The following ZNF536 variants were observed in gnomAD, a reference collection of about 807,000 sequenced individuals.
The protein encoded by ZNF536 is zinc finger protein 536.
A neutral mutation model predicts 84.5 loss-of-function variants in ZNF536; 13 were observed. The ratio of observed to expected loss-of-function variants is 0.15; its 90% CI spans 0.10 to 0.24. The LOEUF (loss-of-function observed/expected upper bound fraction) is 0.24, where lower values mean the gene tolerates loss of function less well. ZNF536 is among the 10% of genes least tolerant of loss of function. The pLI, the probability that ZNF536 is intolerant of heterozygous loss-of-function variation, is 1.00. For missense variants in ZNF536, 1,536 were observed against 1,747.5 expected, an observed-to-expected ratio of 0.88 and a Z score of 2.16; for synonymous variants, 811 against 742.5, an observed-to-expected ratio of 1.09 and a Z score of -1.50.
At chr19:30,297,920 G>A (rs986819342) in intron 2 of ZNF536, among the ~76,000 whole-genome samples, 22 of 128,712 alleles carry the variant, frequency 1.7e-4, no homozygotes, top group African/African-American at 5.8e-4. Context: ...CCCCTCTGTC[G>A]CCCAGGCTGG....
Position 30,413,410 on chromosome 19 carries a change from G to A in ZNF536, c.-2-30151G>A, listed in dbSNP as rs959415495. ...TAACCACATCCTAGAATTTTTATTC[G>A]TTTGTTTTGCTATTGCTTTGTTTTT... On this transcript the variant is annotated intron_variant, in intron 1 of 4. Transcript: ENST00000355537. 6.6e-5 allele frequency among the ~76,000 whole-genome samples: 10 copies of A among 152,004 alleles called. No individual in the cohort carries two copies. The South Asian group carries it at 8.3e-4, about 13-fold the overall frequency.
chr19:30,395,459 T>A (rs988588219), intron 1 of ZNF536, among the ~76,000 whole-genome samples: 1 of 152,280 alleles, frequency 6.6e-6, no homozygotes, highest in East Asian at 1.9e-4. Context: ...GAGTGATTGG[T>A]TAAGAACTGT....
At chr19:30,536,009 G>A (rs749415644) in intron 3 of ZNF536, among the ~76,000 whole-genome samples, 3 of 152,110 alleles carry the variant, frequency 2.0e-5, no homozygotes, top group Non-Finnish European at 2.9e-5. Flanking sequence ...GGAAGCCTGA[G>A]GACAGATGGG....
At position 30,591,519 on chromosome 19, in the gene ZNF536, C is replaced by A. The variant is rs146867693; in HGVS notation, c.169+42005C>A. ...TGAGATTTATTCACTACCATGAGAACAGTATGGGGGAAATTGCCCCCACGA... is the reference window on the plus strand; with the variant it reads ...TGAGATTTATTCACTACCATGAGAAAAGTATGGGGGAAATTGCCCCCACGA... On this transcript the variant is annotated intron_variant, in intron 1 of 1. Coordinates refer to the ZNF536 transcript ENST00000592773. Among the ~76,000 whole-genome samples, 197 of 152,246 alleles carry A rather than the reference C, an allele frequency of 1.3e-3. 1 individual carries two copies. The highest frequency in any genetic ancestry group is 4.6e-3 in the African/African-American group (190 of 41,556).
At chr19:30,685,296 A>T (rs2051131832) in intron 1 of ZNF536, among the ~76,000 whole-genome samples, 1 of 152,188 alleles carries the variant, frequency 6.6e-6, no homozygotes, top group South Asian at 2.1e-4. Context: ...GGGGCTTTAG[A>T]ACAAGTCCTC....
At chr19:30,518,551 T>C (rs921685062) in intron 2 of ZNF536, among the ~76,000 whole-genome samples, 4 of 152,240 alleles carry the variant, frequency 2.6e-5, no homozygotes, top group African/African-American at 9.6e-5. Context: ...TAGTTGTCTC[T>C]CTCAATTATA....
At chr19:30,706,023 A>C (rs1482052634) in intron 1 of ZNF536, among the ~76,000 whole-genome samples, 2 of 152,246 alleles carry the variant, frequency 1.3e-5, no homozygotes, top group African/African-American at 4.8e-5. Flanking sequence ...GGCCAAATCA[A>C]AAAGGCTTTC....
Position 30,548,403 on chromosome 19 carries a change from T to G in ZNF536, c.2784T>G (p.Ser928Arg). ...LQAFMDSFVL[S>R]SLKKEKDMKD... ...CTTTCATGGACAGTTTTGTCCTCAG[T>G]TCCTTGAAGAAGGAGAAGGACATGA... is the stretch of plus-strand genomic sequence containing the variant. Residue 928 changes from serine to arginine, a missense_variant, in exon 4 of 5, where the codon AGT becomes AGG. By Grantham distance (110) the Ser-to-Arg change is moderately radical. Coordinates refer to ENST00000355537, the MANE Select transcript of ZNF536 (RefSeq NM_014717.3). 1 of 1,614,206 alleles carries G rather than the reference T, an allele frequency of 6.2e-7. No homozygotes were observed. The highest frequency in any genetic ancestry group is 8.5e-7 in the Non-Finnish European group (1 of 1,180,032).
At chr19:30,689,901 G>T (rs2051343236) in intron 1 of ZNF536, among the ~76,000 whole-genome samples, 2 of 152,198 alleles carry the variant, frequency 1.3e-5, no homozygotes, top group African/African-American at 4.8e-5. Flanking sequence ...ATACCAGAAA[G>T]TGAAAATTTC....
At chr19:30,404,867 G>T (rs1189394806) in intron 1 of ZNF536, among the ~76,000 whole-genome samples, 2 of 152,216 alleles carry the variant, frequency 1.3e-5, no homozygotes. Context: ...GGCACCAGTT[G>T]CAAGTCCAGG....
intron 1 of ZNF536, among the ~76,000 whole-genome samples, chr19:30,273,872 C>T (rs543711741): frequency 6.6e-6 from 1 of 152,198 alleles, no homozygotes; most frequent in South Asian, 2.1e-4. Context: ...AATACATATA[C>T]ATGTACACAT....
chr19:30,260,488 GA>G (rs1350082943), intron 1 of ZNF536, among the ~76,000 whole-genome samples: 1 of 152,212 alleles, frequency 6.6e-6, no homozygotes, highest in Admixed American at 6.5e-5. Flanking sequence ...GAGATGCTGC[GA>G]GGAAGGTTGG....
In ZNF536 at chr19:30,228,832, G is replaced by A. The variant is rs1351818732; in HGVS notation, c.-190+159G>A. ...GCCTCCGCGGGCTCCGGGACTGCCC[G>A]GCTGGCTGCTCGCACAACTTTTTTT... is the stretch of plus-strand genomic sequence containing the variant. On this transcript the variant is annotated intron_variant, in intron 1 of 5. Transcript: ENST00000585628. The surrounding 1 kb of genome is among the most constrained non-coding windows in gnomAD (Gnocchi z 4.5). 6.6e-6 allele frequency: 1 copy of A among 151,422 alleles called. No homozygotes were observed. The highest frequency in any genetic ancestry group is 1.5e-5 in the Non-Finnish European group (1 of 67,836). 9.4% of individuals were successfully genotyped at this position (151,422 alleles called of 1,614,324 possible). A position where few individuals can be genotyped will look rare whatever the true frequency, so the allele number is the denominator to read the frequency against.
chr19:30,246,312 A>G (rs920577804), intron 1 of ZNF536, among the ~76,000 whole-genome samples: 3 of 152,210 alleles, frequency 2.0e-5, no homozygotes, highest in African/African-American at 7.2e-5. Context: ...CAAGTCAACA[A>G]CAAACGAGAA....
At chr19:30,557,103 C>T (rs2146369103) in intron 4 of ZNF536, 54 bp from the exon 5 acceptor site, 1 of 1,608,964 alleles carries the variant, frequency 6.2e-7, no homozygotes, top group Non-Finnish European at 8.5e-7. Context: ...TTTCAAATGC[C>T]TCTAGCCCTG....
At chr19:30,488,936 C>G (rs906832556) in intron 2 of ZNF536, among the ~76,000 whole-genome samples, 1 of 152,120 alleles carries the variant, frequency 6.6e-6, no homozygotes, top group Non-Finnish European at 1.5e-5. Flanking sequence ...TTCCAGTTCC[C>G]GAAGCATTAG....
At chr19:30,519,366 G>A (rs769752605) in intron 2 of ZNF536, among the ~76,000 whole-genome samples, 5 of 152,332 alleles carry the variant, frequency 3.3e-5, no homozygotes, top group Non-Finnish European at 7.4e-5. Flanking sequence ...GCACCTTGGG[G>A]CAGGTGAGGC....
chr19:30,569,686 T>C (rs2046475936), intron 1 of ZNF536, among the ~76,000 whole-genome samples: 1 of 145,280 alleles, frequency 6.9e-6, no homozygotes, highest in Non-Finnish European at 1.5e-5. Flanking sequence ...TTCTCTTGCC[T>C]CCGCCTCTGC....
chr19:30,265,109 G>A (rs2025442001), intron 1 of ZNF536, among the ~76,000 whole-genome samples: 1 of 152,016 alleles, frequency 6.6e-6, no homozygotes, highest in African/African-American at 2.4e-5. Context: ...TTTGTTGGGT[G>A]TGCCTTCAGG....
Sources: gnomAD v4.1 joint callset for allele counts (sites outside exome capture counted in the v4.1 genomes callset) on GRCh38, gnomAD v4.1.1 for gene constraint, Gnocchi (gnomAD v3.1) non-coding constraint, MANE v1.5 for transcripts, NCBI Gene and HGNC (gene_info 2026-07-23, HGNC 2026-07-21) for gene names.